MRTFA: variants seen among roughly 807,000 people sequenced by gnomAD.
MRTFA encodes myocardin related transcription factor A.
MRTFA carries 20 observed loss-of-function variants against 83.5 expected under a neutral mutation model. That is an observed-to-expected ratio of 0.24 (90% CI 0.17 to 0.35). MRTFA has a LOEUF of 0.35. MRTFA is among the 10% of genes least tolerant of loss of function. MRTFA has a pLI of 1.00. For synonymous variants in MRTFA, 659 were observed against 541.2 expected (o/e 1.22, Z -3.02); for missense variants, 1,200 against 1,224.7 (o/e 0.98, Z 0.30).
At chr22:40,631,882 C>A (rs1396649337) in intron 1 of MRTFA, among the ~76,000 whole-genome samples, 1 of 152,212 alleles carries the variant, frequency 6.6e-6, no homozygotes. Context: ...TCCCCTACTT[C>A]AGAACTTCAG....
chr22:40,481,027 G>A (rs561308218), intron 3 of MRTFA, among the ~76,000 whole-genome samples: 2 of 152,078 alleles, frequency 1.3e-5, no homozygotes, highest in Non-Finnish European at 1.5e-5. Flanking sequence ...AGCTGCTCCG[G>A]AAGCTGAGGG....
intron 1 of MRTFA, among the ~76,000 whole-genome samples, chr22:40,620,143 G>C (rs905902476): frequency 8.5e-5 from 9 of 105,834 alleles, no homozygotes; most frequent in Non-Finnish European, 1.8e-4. Flanking sequence ...TTTTTTTTTT[G>C]AGACAGAGTT....
chr22:40,576,366 T>C (rs2055868719), intron 2 of MRTFA, among the ~76,000 whole-genome samples: 1 of 152,196 alleles, frequency 6.6e-6, no homozygotes, highest in Non-Finnish European at 1.5e-5. Flanking sequence ...TTCATCTCAG[T>C]ATATGAATGA....
chr22:40,602,677 T>TAAA (rs133031), intron 1 of MRTFA, among the ~76,000 whole-genome samples: 1 of 128,774 alleles, frequency 7.8e-6, no homozygotes, highest in Admixed American at 7.8e-5. Flanking sequence ...CATCTCCACT[T>TAAA]AAAAAAAAAA....
chr22:40,557,079 T>C (rs1004880051), intron 2 of MRTFA, among the ~76,000 whole-genome samples: 2 of 152,218 alleles, frequency 1.3e-5, no homozygotes, highest in East Asian at 3.8e-4. Context: ...AATAACTCTG[T>C]ATGCAGTAGA....
At chr22:40,508,573 G>C (rs1426582687) in intron 3 of MRTFA, among the ~76,000 whole-genome samples, 2 of 149,922 alleles carry the variant, frequency 1.3e-5, no homozygotes, top group African/African-American at 4.9e-5. Context: ...ACTTTCTATG[G>C]ATATAATGTA....
intron 3 of MRTFA, among the ~76,000 whole-genome samples, chr22:40,478,458 T>C (rs1372851140): frequency 1.3e-5 from 2 of 152,168 alleles, no homozygotes; most frequent in Non-Finnish European, 2.9e-5. Flanking sequence ...TCTAAAATCA[T>C]TCCAAATAAA....
chr22:40,617,243 C>T (rs2056463318), intron 1 of MRTFA, among the ~76,000 whole-genome samples: 1 of 148,098 alleles, frequency 6.8e-6, no homozygotes, highest in Non-Finnish European at 1.5e-5. Context: ...GGCAGACAGG[C>T]AAAATGATGA....
intron 4 of MRTFA, among the ~76,000 whole-genome samples, chr22:40,457,279 C>A (rs1179285521): frequency 6.6e-6 from 1 of 151,796 alleles, no homozygotes; most frequent in South Asian, 2.1e-4. Context: ...GCAAGAAAAT[C>A]GCTTGAACCC....
intron 1 of MRTFA, among the ~76,000 whole-genome samples, chr22:40,613,859 G>A (rs1355919029): frequency 1.3e-5 from 2 of 152,006 alleles, no homozygotes; most frequent in Non-Finnish European, 2.9e-5. Flanking sequence ...GCAGTGAGCC[G>A]GGATCGTGTG....
intron 4 of MRTFA, 51 bp from the exon 5 acceptor site, chr22:40,435,605 A>G (rs2053153079): frequency 6.3e-7 from 1 of 1,590,378 alleles, no homozygotes; most frequent in Non-Finnish European, 8.6e-7. Flanking sequence ...CATCATGTCT[A>G]GTGCTACGAT....
At chr22:40,430,047 A>G (rs190505092) in intron 6 of MRTFA, among the ~76,000 whole-genome samples, 1 of 152,292 alleles carries the variant, frequency 6.6e-6, no homozygotes, top group East Asian at 1.9e-4. Flanking sequence ...GGAAGCAGCA[A>G]CAGATGACAG....
At chr22:40,569,351 C>A in intron 2 of MRTFA, 1 of 215,840 alleles carries the variant, frequency 4.6e-6, no homozygotes, top group Admixed American at 4.5e-5. Context: ...CAGGCGCTTC[C>A]CCAACCAGAA....
intron 1 of MRTFA, among the ~76,000 whole-genome samples, chr22:40,623,201 C>T (rs1016086171): frequency 2.6e-5 from 4 of 152,168 alleles, no homozygotes; most frequent in African/African-American, 9.7e-5. Flanking sequence ...TGTTCTCTTT[C>T]ATTGTTATTC....
chr22:40,635,072 A>T (rs1461923761), intron 1 of MRTFA, among the ~76,000 whole-genome samples: 1 of 152,168 alleles, frequency 6.6e-6, no homozygotes, highest in Non-Finnish European at 1.5e-5. Context: ...GCAGTAATGG[A>T]TTGCTTCTTT....
At chr22:40,556,782 G>A (rs1318640288) in intron 2 of MRTFA, among the ~76,000 whole-genome samples, 4 of 152,070 alleles carry the variant, frequency 2.6e-5, no homozygotes, top group East Asian at 1.9e-4. Flanking sequence ...TAATCCATCC[G>A]GCTGAGTATT....
intron 3 of MRTFA, among the ~76,000 whole-genome samples, chr22:40,509,785 CTCA>C (rs1214066025): frequency 2.0e-5 from 3 of 152,004 alleles, no homozygotes; most frequent in African/African-American, 7.3e-5. Flanking sequence ...AATCCCCCTC[CTCA>C]TAAGGAGGAA....
At chr22:40,428,029 G>T (rs1188002587) in intron 7 of MRTFA, among the ~76,000 whole-genome samples, 5 of 152,164 alleles carry the variant, frequency 3.3e-5, no homozygotes, top group Non-Finnish European at 5.9e-5. Context: ...CCACGACACT[G>T]TGCCATCCGT....
intron 3 of MRTFA, among the ~76,000 whole-genome samples, chr22:40,515,854 A>C (rs1427531827): frequency 6.6e-6 from 1 of 152,148 alleles, no homozygotes; most frequent in African/African-American, 2.4e-5. Context: ...TGGCGACCAC[A>C]TTTTCAGTAG....
Sources: allele counts gnomAD v4.1 joint callset (sites outside exome capture counted in the v4.1 genomes callset), GRCh38; gene constraint gnomAD v4.1.1; transcripts MANE v1.5; gene names NCBI Gene and HGNC (gene_info 2026-07-23, HGNC 2026-07-21).